The following FAM227A variants were observed in gnomAD, a reference collection of about 807,000 sequenced individuals.
FAM227A encodes the protein family with sequence similarity 227 member A, also known as protein FAM227A.
FAM227A carries 80 observed loss-of-function variants against 74.7 expected under a neutral mutation model. That is an observed-to-expected ratio of 1.07 (90% CI 0.89 to 1.29). FAM227A has a LOEUF of 1.29. FAM227A is among the 50% of genes most tolerant of loss of function. FAM227A has a pLI of 0.00. For synonymous variants in FAM227A, 237 were observed against 241.8 expected (o/e 0.98, Z 0.19); for missense variants, 654 against 683.4 (o/e 0.96, Z 0.48).
chr22:38,602,916 C>T (rs1289024581), intron 13 of FAM227A, among the ~76,000 whole-genome samples: 2 of 152,112 alleles, frequency 1.3e-5, no homozygotes, highest in African/African-American at 2.4e-5. Flanking sequence ...CTCTGTCGCC[C>T]AGGCTGGAGT....
chr22:38,624,968 T>C (rs901238250), intron 9 of FAM227A, among the ~76,000 whole-genome samples: 1 of 151,892 alleles, frequency 6.6e-6, no homozygotes, highest in East Asian at 1.9e-4. Context: ...CCCAACACAA[T>C]AGGAAATTTA....
chr22:38,635,981 C>T (rs2091996270), intron 6 of FAM227A, among the ~76,000 whole-genome samples: 1 of 145,586 alleles, frequency 6.9e-6, no homozygotes, highest in Non-Finnish European at 1.5e-5. Flanking sequence ...CAGAGGGAGA[C>T]CCTGTCTCAA....
At chr22:38,651,359 C>A (rs1005001373) in intron 1 of FAM227A, among the ~76,000 whole-genome samples, 4 of 152,152 alleles carry the variant, frequency 2.6e-5, no homozygotes, top group Non-Finnish European at 5.9e-5. Context: ...TTTAGACTTA[C>A]CATGGTTTTT....
intron 3 of FAM227A, among the ~76,000 whole-genome samples, chr22:38,640,834 C>T (rs973888800): frequency 6.6e-6 from 1 of 152,112 alleles, no homozygotes; most frequent in Non-Finnish European, 1.5e-5. Context: ...AGGCCTCCCC[C>T]ATCTTTCCCT....
chr22:38,650,295 GA>G (rs1407229052), intron 1 of FAM227A, 33 bp from the exon 2 acceptor site: 2 of 921,572 alleles, frequency 2.2e-6, no homozygotes, highest in East Asian at 2.6e-5. Context: ...AGCCAGCTCA[GA>G]AAACACAAGA....
intron 7 of FAM227A, among the ~76,000 whole-genome samples, 192 bp downstream of exon 7, chr22:38,628,642 A>G (rs2091857048): frequency 6.6e-6 from 1 of 152,120 alleles, no homozygotes; most frequent in South Asian, 2.1e-4. Context: ...GGGGAGCCGC[A>G]GGGCATTGTG....
chr22:38,604,217 C>CT (rs927479614), intron 13 of FAM227A, among the ~76,000 whole-genome samples: 4 of 152,136 alleles, frequency 2.6e-5, no homozygotes, highest in Admixed American at 2.6e-4. Context: ...GTCCCAGCTA[C>CT]TGGGGAGGCT....
intron 11 of FAM227A, among the ~76,000 whole-genome samples, chr22:38,619,932 A>T (rs1056951273): frequency 2.6e-5 from 4 of 152,220 alleles, no homozygotes; most frequent in Middle Eastern, 3.4e-3. Flanking sequence ...AAAATAAGTA[A>T]AAGCATCTTG....
At position 38,582,595 on chromosome 22, in the gene FAM227A, C is replaced by A; in HGVS notation, c.*3530G>T. The stretch of plus-strand genomic sequence containing the variant: ...AGACAGGTTTCTTCATATTTAACAT[C>A]CTGAGAGGCTACAACTCTGAGTCCT... On this transcript the variant is annotated 3_prime_UTR_variant, in exon 17 of 17. Coordinates refer to ENST00000535113, the MANE Select transcript of FAM227A (RefSeq NM_001013647.2). The A allele has an allele frequency of 1.3e-6, 1 of 748,444 alleles. No individual in the cohort carries two copies. Among genetic ancestry groups the A allele is most frequent in the Non-Finnish European group, 2.1e-6 (1 of 469,708 alleles). 46.4% of individuals were successfully genotyped at this position (748,444 alleles called of 1,614,324 possible).
chr22:38,637,138 T>C (rs567911616), intron 5 of FAM227A, among the ~76,000 whole-genome samples: 28 of 152,332 alleles, frequency 1.8e-4, no homozygotes, highest in African/African-American at 6.7e-4. Context: ...TTATATATGA[T>C]TCGTCTGGCT....
At chr22:38,618,943 C>A (rs1446206632) in intron 11 of FAM227A, among the ~76,000 whole-genome samples, 3 of 151,052 alleles carry the variant, frequency 2.0e-5, no homozygotes, top group Non-Finnish European at 4.4e-5. Flanking sequence ...CTAAACCCTG[C>A]CCTGGGATTT....
At chr22:38,607,313 G>T in intron 12 of FAM227A, 76 bp downstream of exon 12, 6 of 1,125,388 alleles carry the variant, frequency 5.3e-6, no homozygotes, top group Non-Finnish European at 6.5e-6. Flanking sequence ...CTGTTCATAC[G>T]AACCCAAGAA....
intron 11 of FAM227A, among the ~76,000 whole-genome samples, chr22:38,609,447 A>G (rs1156284481): frequency 6.6e-6 from 1 of 152,192 alleles, no homozygotes; most frequent in Non-Finnish European, 1.5e-5. Flanking sequence ...TAGAGCGAAG[A>G]ACGCTGGATT....
chr22:38,612,410 G>A (rs758546165), intron 11 of FAM227A, among the ~76,000 whole-genome samples: 26 of 150,928 alleles, frequency 1.7e-4, no homozygotes, highest in Admixed American at 7.9e-4. Flanking sequence ...CTTTTTTTTC[G>A]CCTCAGGGCC....
intron 16 of FAM227A, among the ~76,000 whole-genome samples, chr22:38,590,006 G>A (rs952752585): frequency 2.6e-5 from 4 of 151,942 alleles, no homozygotes; most frequent in Admixed American, 2.0e-4. Flanking sequence ...CAGGGCTTTG[G>A]GAGGCTGAGG....
chr22:38,586,694 G>A (rs1015524912), intron 16 of FAM227A, among the ~76,000 whole-genome samples: 1 of 152,084 alleles, frequency 6.6e-6, no homozygotes, highest in Non-Finnish European at 1.5e-5. Flanking sequence ...TTTTGGGACG[G>A]AGTATCGCTC....
chr22:38,627,603 T>TG lies in FAM227A; in HGVS notation c.726+634_726+635insC, dbSNP rs572691146. ...ATAAAATGGAAAGGGAAAGTTTTTT[T>TG]TTTGTTTGTTTGTTTTTTTGAGGCA... On this transcript the variant is annotated intron_variant, in intron 8 of 16. Coordinates refer to ENST00000535113, the MANE Select transcript of FAM227A (RefSeq NM_001013647.2). Among the ~76,000 whole-genome samples the TG allele has an allele frequency of 1.8e-3, 277 of 152,016 alleles. 4 individuals are homozygous for TG. The highest frequency in any genetic ancestry group is 6.8e-3 in the Middle Eastern group (2 of 294).
intron 16 of FAM227A, among the ~76,000 whole-genome samples, chr22:38,590,034 G>A (rs1329468138): frequency 6.6e-6 from 1 of 151,748 alleles, no homozygotes; most frequent in African/African-American, 2.4e-5. Flanking sequence ...ATCACCTGAG[G>A]TCAAGAGTTT....
intron 11 of FAM227A, among the ~76,000 whole-genome samples, chr22:38,615,110 C>T (rs775503069): frequency 2.6e-5 from 4 of 152,168 alleles, no homozygotes; most frequent in African/African-American, 7.2e-5. Flanking sequence ...CTGCAACCTC[C>T]GCCCCCTGGT....
Sources: gnomAD v4.1 joint callset for allele counts (sites outside exome capture counted in the v4.1 genomes callset) on GRCh38, gnomAD v4.1.1 for gene constraint, MANE v1.5 for transcripts, NCBI Gene and HGNC (gene_info 2026-07-23, HGNC 2026-07-21) for gene names.